The following PLEKHA5 variants were observed in gnomAD, a reference collection of about 807,000 sequenced individuals.
The protein encoded by PLEKHA5 is pleckstrin homology domain containing A5.
Under a neutral mutation model 181.9 loss-of-function variants are expected in PLEKHA5, and 55 were observed. The observed-to-expected ratio is 0.30, with a 90% CI of 0.24 to 0.38. The LOEUF (loss-of-function observed/expected upper bound fraction) is 0.38. Among genes scored for constraint, PLEKHA5 ranks in the 10% least tolerant of loss-of-function variants. The pLI is 1.00. For synonymous variants in PLEKHA5, 535 were observed against 529.4 expected (o/e 1.01, Z -0.15); for missense variants, 1,432 against 1,549.5 (o/e 0.92, Z 1.27).
At chr12:19,339,304 G>T (rs916481827) in intron 21 of PLEKHA5, among the ~76,000 whole-genome samples, 3 of 152,092 alleles carry the variant, frequency 2.0e-5, no homozygotes, top group African/African-American at 2.4e-5. Flanking sequence ...GCCTCCCAGA[G>T]TGCTAGGATT....
intron 11 of PLEKHA5, among the ~76,000 whole-genome samples, chr12:19,282,552 A>C (rs903385016): frequency 2.0e-5 from 3 of 152,202 alleles, no homozygotes; most frequent in African/African-American, 7.2e-5. Context: ...ACTTGTAGTA[A>C]TTTATTTCCT....
intron 15 of PLEKHA5, among the ~76,000 whole-genome samples, chr12:19,311,035 A>G (rs1168081604): frequency 6.6e-6 from 1 of 152,094 alleles, no homozygotes; most frequent in Non-Finnish European, 1.5e-5. Context: ...AAATAAGACA[A>G]CAGTGAAGTT....
chr12:19,242,170 AC>A (rs2062748996), intron 3 of PLEKHA5, among the ~76,000 whole-genome samples: 1 of 152,184 alleles, frequency 6.6e-6, no homozygotes, highest in African/African-American at 2.4e-5. Context: ...AATCATTCTT[AC>A]ATTACTTTCA....
intron 15 of PLEKHA5, among the ~76,000 whole-genome samples, chr12:19,312,811 A>T (rs1401811838): frequency 2.6e-5 from 4 of 152,304 alleles, no homozygotes; most frequent in East Asian, 1.9e-4. Flanking sequence ...TTGCCTTCTC[A>T]ACTTGGGTAA....
chr12:19,284,258 G>A (rs2076769332), intron 12 of PLEKHA5, among the ~76,000 whole-genome samples: 1 of 152,066 alleles, frequency 6.6e-6, no homozygotes, highest in Admixed American at 6.6e-5. Context: ...TAGTAGAGAT[G>A]TGGTTTCACC....
At chr12:19,371,968 C>G (rs2095588905) in intron 31 of PLEKHA5, 1 of 152,148 alleles carries the variant, frequency 6.6e-6, no homozygotes, top group African/African-American at 2.4e-5. Context: ...TCCATACCAA[C>G]ATCTGTTGTT....
At chr12:19,362,005 T>TG in intron 29 of PLEKHA5, among the ~76,000 whole-genome samples, 1 of 149,952 alleles carries the variant, frequency 6.7e-6, no homozygotes, top group Non-Finnish European at 1.5e-5. Flanking sequence ...ACCTCATCTC[T>TG]GAAAAAAAAA....
chr12:19,182,471 G>A (rs983134210), intron 3 of PLEKHA5, among the ~76,000 whole-genome samples: 1 of 152,174 alleles, frequency 6.6e-6, no homozygotes, highest in East Asian at 1.9e-4. Flanking sequence ...AACCAAGGTG[G>A]TTTTAGGAAA....
rs771031534 is a variant in PLEKHA5, at chr12:19,197,722, GTGTGTGTGTGTT to G, written c.228-56216_228-56205del. ...TGTGTGTGTGTGTGTGTGTGTGTGT[GTGTGTGTGTGTT>G]TAAGTCGCCTCGTTCACTTCCAAGG... On this transcript the variant is annotated intron_variant, in intron 3 of 31. Coordinates refer to ENST00000429027, the MANE Select transcript of PLEKHA5 (RefSeq NM_001256470.2). Among the ~76,000 whole-genome samples the G allele has an allele frequency of 4.8e-3, 575 of 120,162 alleles. 5 individuals carry two copies. Among genetic ancestry groups the G allele is most frequent in the African/African-American group, 6.3e-3 (162 of 25,602 alleles). The allele number at this position is 120,162 out of a possible 152,430, so 78.8% of individuals were successfully genotyped here.
intron 3 of PLEKHA5, among the ~76,000 whole-genome samples, chr12:19,164,497 T>C (rs1275385618): frequency 6.6e-6 from 1 of 152,142 alleles, no homozygotes; most frequent in Non-Finnish European, 1.5e-5. Flanking sequence ...TCCTGGCCTT[T>C]CCAGATTATT....
chr12:19,207,336 A>G (rs2055816147), intron 3 of PLEKHA5: 1 of 152,184 alleles, frequency 6.6e-6, no homozygotes, highest in Non-Finnish European at 1.5e-5. Context: ...GATCTATGAA[A>G]GAAAAGTGTG....
At position 19,348,483 on chromosome 12, in the gene PLEKHA5, G is replaced by C. The variant is rs760384877; in HGVS notation, c.2983G>C (p.Glu995Gln). The C allele has an allele frequency of 5.7e-6, 9 of 1,582,558 alleles. No individual in the cohort carries two copies. Among genetic ancestry groups the C allele is most frequent in the Non-Finnish European group, 7.7e-6 (9 of 1,169,482 alleles). ...VDESNGEEKSEPVSEIETSVV... is the reference protein window; with the variant it reads ...VDESNGEEKSQPVSEIETSVV... ...TGAATCTAATGGAGAAGAAAAATCA[G>C]AACCTGTTTCAGAGATAGAAACTTC... is the stretch of plus-strand genomic sequence containing the variant. The change falls in exon 25 of 32, where the codon GAA becomes CAA. Residue 995 changes from glutamate to glutamine, a missense_variant. Physicochemically the swap from Glu to Gln is conservative, Grantham distance 29. Transcript: ENST00000429027.
intron 3 of PLEKHA5, chr12:19,151,500 T>C (rs1440521703): frequency 6.6e-6 from 1 of 152,104 alleles, no homozygotes; most frequent in Non-Finnish European, 1.5e-5. Flanking sequence ...CCAAGAGTGG[T>C]GGTCAGCCCA....
At chr12:19,201,713 G>A (rs1400045040) in intron 3 of PLEKHA5, 1 of 152,198 alleles carries the variant, frequency 6.6e-6, no homozygotes, top group East Asian at 1.9e-4. Context: ...GCCAGACACA[G>A]ACTACACATT....
At chr12:19,246,413 A>G (rs2063757409) in intron 3 of PLEKHA5, among the ~76,000 whole-genome samples, 1 of 151,756 alleles carries the variant, frequency 6.6e-6, no homozygotes, top group African/African-American at 2.4e-5. Flanking sequence ...TCATGAGGTC[A>G]GGAGTTTGAG....
intron 21 of PLEKHA5, among the ~76,000 whole-genome samples, chr12:19,340,476 G>T (rs1194661982): frequency 2.8e-5 from 4 of 141,050 alleles, no homozygotes; most frequent in Non-Finnish European, 6.4e-5. Context: ...TTGAGAACGG[G>T]CCATGATGAC....
intron 15 of PLEKHA5, chr12:19,307,098 G>T (rs896049755): frequency 1.9e-6 from 2 of 1,064,438 alleles, no homozygotes; most frequent in African/African-American, 3.2e-5. Flanking sequence ...TGAAGCTTAT[G>T]AGCACTGTTG....
At chr12:19,262,355 T>TC (rs1280327256) in intron 7 of PLEKHA5, among the ~76,000 whole-genome samples, 1 of 152,168 alleles carries the variant, frequency 6.6e-6, no homozygotes, top group Non-Finnish European at 1.5e-5. Flanking sequence ...TGCCTCAGCC[T>TC]CCCAAGTAGC....
In PLEKHA5 at chr12:19,359,216, G is replaced by GC. The variant is rs528649464; in HGVS notation, c.3349-196_3349-195insC. Among the ~76,000 whole-genome samples the GC allele has an allele frequency of 6.6e-5, 10 of 151,982 alleles. No homozygotes were observed. In the East Asian group the frequency reaches 1.7e-3, roughly 26 times the overall value. ...CATTCTGCAAATTACAAAATGAATG[G>GC]TTTTTTTTAAAAGAGTTGAGAAAAA... On this transcript the variant is annotated intron_variant, in intron 27 of 31. Coordinates refer to ENST00000429027, the MANE Select transcript of PLEKHA5 (RefSeq NM_001256470.2).
Sources: allele counts gnomAD v4.1 joint callset (sites outside exome capture counted in the v4.1 genomes callset), GRCh38; gene constraint gnomAD v4.1.1; transcripts MANE v1.5; gene names NCBI Gene and HGNC (gene_info 2026-07-23, HGNC 2026-07-21).